Variants in COL5A1 observed in about 807,000 individuals in gnomAD.
The protein encoded by COL5A1 is collagen type V alpha 1 chain.
A neutral mutation model predicts 263.7 loss-of-function variants in COL5A1; 16 were observed. The ratio of observed to expected loss-of-function variants is 0.06; its 90% CI spans 0.04 to 0.09. The LOEUF is 0.09. COL5A1 is among the 10% of genes least tolerant of loss of function. The pLI is 1.00. For missense variants in COL5A1, 2,036 were observed against 2,540.5 expected, an observed-to-expected ratio of 0.80 and a Z score of 4.27; for synonymous variants, 1,012 against 1,004.5, an observed-to-expected ratio of 1.01 and a Z score of -0.14.
chr9:134,693,265 G>T (rs895825623), intron 2 of COL5A1, among the ~76,000 whole-genome samples: 7 of 152,112 alleles, frequency 4.6e-5, no homozygotes, highest in African/African-American at 1.7e-4. Context: ...CAGTGAAGCA[G>T]TGAGCCGAGA....
intron 4 of COL5A1, among the ~76,000 whole-genome samples, chr9:134,703,739 G>T (rs1055732502): frequency 7.1e-6 from 1 of 139,908 alleles, no homozygotes; most frequent in African/African-American, 2.7e-5. Flanking sequence ...CCGGGTTCAC[G>T]CCATTCTCCT....
intron 27 of COL5A1, among the ~76,000 whole-genome samples, chr9:134,778,517 GC>G (rs1564453016): frequency 6.6e-6 from 1 of 152,232 alleles, no homozygotes; most frequent in Admixed American, 6.5e-5. Flanking sequence ...CGTAGGAGAG[GC>G]TTGTTTGGAG....
chr9:134,810,058 C>G (rs1002808173), intron 43 of COL5A1, among the ~76,000 whole-genome samples, 197 bp from the exon 44 acceptor site: 1 of 152,206 alleles, frequency 6.6e-6, no homozygotes, highest in Non-Finnish European at 1.5e-5. Flanking sequence ...AGCATCAGAT[C>G]GAGACCTCGT....
chr9:134,803,974 GC>G (rs1451794884), intron 39 of COL5A1, among the ~76,000 whole-genome samples: 6 of 152,050 alleles, frequency 3.9e-5, no homozygotes, highest in South Asian at 2.1e-4. Context: ...TCCCCTGGGC[GC>G]CCCAGGTTCA....
At chr9:134,705,429 C>G (rs114892652) in intron 4 of COL5A1, among the ~76,000 whole-genome samples, 1 of 152,236 alleles carries the variant, frequency 6.6e-6, no homozygotes, top group African/African-American at 2.4e-5. Context: ...AGTGGGGCAG[C>G]CTTGCCATGC....
chr9:134,810,432 A>C, intron 44 of COL5A1, 124 bp downstream of exon 44: 1 of 925,886 alleles, frequency 1.1e-6, no homozygotes, highest in African/African-American at 1.6e-5. Context: ...ACATGCTGTG[A>C]AAATCTCCCG....
intron 1 of COL5A1, among the ~76,000 whole-genome samples, chr9:134,670,514 A>T (rs1832508524): frequency 6.6e-6 from 1 of 151,790 alleles, no homozygotes; most frequent in Non-Finnish European, 1.5e-5. Context: ...GGCAGTGGGG[A>T]GCTGTGATTT....
chr9:134,814,539 A>G lies in COL5A1; in HGVS notation c.3907-258A>G, dbSNP rs4841933. Among the ~76,000 whole-genome samples the G allele has an allele frequency of 0.62, 94,543 of 152,072 alleles. 30,842 individuals carry two copies. Among genetic ancestry groups the G allele is most frequent in the African/African-American group, 0.84 (34,677 of 41,514 alleles). On this transcript the variant is annotated intron_variant, in intron 49 of 65. Transcript: ENST00000371817. ...CTGACTGATGTCTGGTCCAGGAGTC[A>G]GTCCCTCCCACCCAGAGCTGAATCT...
At chr9:134,723,077 G>A (rs1834522008) in intron 4 of COL5A1, among the ~76,000 whole-genome samples, 1 of 152,178 alleles carries the variant, frequency 6.6e-6, no homozygotes, top group Non-Finnish European at 1.5e-5. Flanking sequence ...GTCCCTTTGT[G>A]GGTCACAGCC....
rs1416369565 is a variant in COL5A1 at position 134,794,068 on chromosome 9, T to G, written c.2701-1014T>G. On this transcript the variant is annotated intron_variant, in intron 32 of 65. Transcript: ENST00000371817. This position sits in a 1 kb window ranked among gnomAD's most constrained non-coding sequence, Gnocchi z 4.3. ...TTCAGCCAGGCACGGTGGCTCACGC[T>G]TGTAATCCCAGCACTTTGGGAGGCT... Among the ~76,000 whole-genome samples the G allele has an allele frequency of 6.6e-6, 1 of 152,002 alleles. No individual in the cohort carries two copies. The highest frequency in any genetic ancestry group is 1.5e-5 in the Non-Finnish European group (1 of 67,974).
At chr9:134,703,930 C>T (rs867521830) in intron 4 of COL5A1, among the ~76,000 whole-genome samples, 3 of 152,102 alleles carry the variant, frequency 2.0e-5, no homozygotes, top group Non-Finnish European at 2.9e-5. Context: ...TGAGCCACCG[C>T]GCCCGGCCTC....
chr9:134,652,751 C>T lies in COL5A1; in HGVS notation c.109+10455C>T, dbSNP rs1453281004. On this transcript the variant is annotated intron_variant, in intron 1 of 65. Coordinates refer to ENST00000371817, the MANE Select transcript of COL5A1 (RefSeq NM_000093.5). This position sits in a 1 kb window ranked among gnomAD's most constrained non-coding sequence, Gnocchi z 4.4. Reference sequence around the variant, plus strand: ...CTCATTGTCAGACAGGAGGGAGGGCCTCTTCTTAGGCCGGGTCCAGCGTTT... The same window carrying T: ...CTCATTGTCAGACAGGAGGGAGGGCTTCTTCTTAGGCCGGGTCCAGCGTTT... 1 of 470,770 alleles carries T rather than the reference C, an allele frequency of 2.1e-6. No individual in the cohort carries two copies. The highest frequency in any genetic ancestry group is 1.5e-5 in the South Asian group (1 of 64,552). 29.2% of individuals were successfully genotyped at this position (470,770 alleles called of 1,614,324 possible).
rs1564477667 is a variant in COL5A1 at position 134,814,786 on chromosome 9, C to G, written c.3907-11C>G. 1.3e-6 allele frequency: 2 copies of G among 1,549,746 alleles called. No homozygotes were observed. The highest frequency in any genetic ancestry group is 2.0e-5 in the Admixed American group (1 of 51,048). Reference sequence around the variant, plus strand: ...GGCTCTGAGGACTTGACACTGGCCTCTTTCCTCCAGGGACCCAAAGGAGAA... The same window carrying G: ...GGCTCTGAGGACTTGACACTGGCCTGTTTCCTCCAGGGACCCAAAGGAGAA... On this transcript the variant is annotated splice_polypyrimidine_tract_variant and intron_variant, in intron 49 of 65. Coordinates refer to ENST00000371817, the MANE Select transcript of COL5A1 (RefSeq NM_000093.5).
intron 26 of COL5A1, among the ~76,000 whole-genome samples, chr9:134,774,288 G>A (rs1002249038): frequency 1.3e-5 from 2 of 152,288 alleles, no homozygotes; most frequent in Middle Eastern, 3.4e-3. Context: ...AGCCGCTGCC[G>A]TGACACCATG....
chr9:134,734,767 C>T (rs1030768912), intron 9 of COL5A1, among the ~76,000 whole-genome samples: 2 of 152,204 alleles, frequency 1.3e-5, no homozygotes, highest in Non-Finnish European at 2.9e-5. Flanking sequence ...TTTACCTGGG[C>T]CACATCCATT....
chr9:134,679,336 T>G (rs1255879903), intron 1 of COL5A1, among the ~76,000 whole-genome samples: 8 of 86,486 alleles, frequency 9.3e-5, no homozygotes, highest in African/African-American at 2.9e-4. Context: ...CTGCAGGGCT[T>G]ATTAGGGGGC....
chr9:134,772,643 G>A, intron 25 of COL5A1, 147 bp from the exon 26 acceptor site: 1 of 921,554 alleles, frequency 1.1e-6, no homozygotes, highest in Non-Finnish European at 1.8e-6. Flanking sequence ...TGCCTGGCCA[G>A]CTGCCTTCGA....
At chr9:134,771,294 C>A (rs1281492476) in intron 25 of COL5A1, among the ~76,000 whole-genome samples, 3 of 152,238 alleles carry the variant, frequency 2.0e-5, no homozygotes, top group Non-Finnish European at 4.4e-5. Flanking sequence ...ACAAAGAACC[C>A]CTCCTGGCCA....
intron 25 of COL5A1, among the ~76,000 whole-genome samples, 196 bp from the exon 26 acceptor site, chr9:134,772,594 C>T (rs1836899621): frequency 6.6e-6 from 1 of 152,216 alleles, no homozygotes; most frequent in Admixed American, 6.5e-5. Context: ...AGCCGAGGTT[C>T]AGGGCCTGGC....
Sources: gnomAD v4.1 joint callset for allele counts (sites outside exome capture counted in the v4.1 genomes callset) on GRCh38, gnomAD v4.1.1 for gene constraint, Gnocchi (gnomAD v3.1) non-coding constraint, MANE v1.5 for transcripts, NCBI Gene and HGNC (gene_info 2026-07-23, HGNC 2026-07-21) for gene names.